Variants in GLB1 observed in about 807,000 individuals in gnomAD.
The protein encoded by GLB1 is galactosidase beta 1.
A neutral mutation model predicts 74.0 loss-of-function variants in GLB1; 56 were observed. The observed-to-expected ratio is 0.76, with a 90% CI of 0.61 to 0.94. The LOEUF is 0.94. Ranked by LOEUF, GLB1 falls within the 40% of genes least tolerant of loss-of-function variation. The pLI is 0.00. For synonymous variants in GLB1, 323 were observed against 323.6 expected, an observed-to-expected ratio of 1.00 and a Z score of 0.02; for missense variants, 787 against 845.5, an observed-to-expected ratio of 0.93 and a Z score of 0.86.
intron 10 of GLB1, chr3:33,034,776 C>T: frequency 1.6e-6 from 1 of 644,414 alleles, no homozygotes; most frequent in Non-Finnish European, 3.0e-6. Flanking sequence ...TCTGTGTCAG[C>T]TTCAGTCATA....
At chr3:33,034,380 G>A (rs563842640) in intron 10 of GLB1, 77 of 756,892 alleles carry the variant, frequency 1.0e-4, no homozygotes, top group East Asian at 9.8e-4. Context: ...CAGCTGTTCA[G>A]GCAGAAACCC....
intron 15 of GLB1, among the ~76,000 whole-genome samples, chr3:33,005,438 T>A (rs947324445): frequency 4.6e-5 from 7 of 152,228 alleles, no homozygotes; most frequent in African/African-American, 1.7e-4. Context: ...GGTTTACATA[T>A]CTCTTACAGA....
intron 9 of GLB1, among the ~76,000 whole-genome samples, chr3:33,047,264 G>T (rs1190587070): frequency 6.6e-6 from 1 of 152,228 alleles, no homozygotes; most frequent in Non-Finnish European, 1.5e-5. Flanking sequence ...ACTGTGCAAG[G>T]GGCGGGGTCT....
At chr3:33,043,790 T>G (rs1698614894) in intron 10 of GLB1, among the ~76,000 whole-genome samples, 1 of 121,426 alleles carries the variant, frequency 8.2e-6, no homozygotes, top group Non-Finnish European at 1.7e-5. Context: ...CTCAGAAAAA[T>G]ACCAAGCAAA....
intron 10 of GLB1, chr3:33,033,778 CAA>C (rs60962107): frequency 0.065 from 11,566 of 179,306 alleles, 1 homozygote; most frequent in South Asian, 0.12. Flanking sequence ...GAGACTGTCT[CAA>C]AAAAAAAAAA....
chr3:32,975,672 T>C, the GLB1 span, among the ~76,000 whole-genome samples: 1 of 152,278 alleles, frequency 6.6e-6, no homozygotes, highest in Non-Finnish European at 1.5e-5. Flanking sequence ...TCATTTAAAA[T>C]GAGTGTGCAC....
chr3:33,092,623 A>G (rs1700812443), intron 1 of GLB1: 10 of 1,361,610 alleles, frequency 7.3e-6, no homozygotes, highest in Non-Finnish European at 9.4e-6. Flanking sequence ...AAGTGCATCA[A>G]AAAAAGCAAC....
rs751382165 is a variant in GLB1, at chr3:32,997,285, C to T, written c.1794G>A (p.Gln598=). The T allele has an allele frequency of 6.2e-7, 1 of 1,614,150 alleles. No homozygotes were observed. Among genetic ancestry groups the T allele is most frequent in the Non-Finnish European group, 8.5e-7 (1 of 1,180,032 alleles). ...LGRYWPARGP[Q]LTLFVPQHIL... The stretch of plus-strand genomic sequence containing the variant: ...TGTGCTGGGGCACAAACAAGGTCAA[C>T]TGAGGGCCCCGGGCTGGCCAATAGC... Residue 598 remains glutamine (Q), a synonymous_variant, in exon 16 of 16, where the codon CAG becomes CAA. Transcript: ENST00000307363.
chr3:33,011,636 C>CT (rs1697032506), intron 15 of GLB1, among the ~76,000 whole-genome samples: 2 of 56,946 alleles, frequency 3.5e-5, no homozygotes, highest in Non-Finnish European at 6.9e-5. Flanking sequence ...CAGAGTCCAT[C>CT]TCAAAAAAAA....
At chr3:33,021,892 C>T (rs1466870050) in intron 11 of GLB1, among the ~76,000 whole-genome samples, 1 of 152,108 alleles carries the variant, frequency 6.6e-6, no homozygotes, top group Non-Finnish European at 1.5e-5. Flanking sequence ...TCAAACATAC[C>T]TATTCGGAAG....
the GLB1 span, among the ~76,000 whole-genome samples, chr3:32,982,112 G>C: frequency 6.6e-6 from 1 of 152,078 alleles, no homozygotes; most frequent in East Asian, 1.9e-4. Context: ...TTGGGAGTTT[G>C]AGACCAGCTT....
chr3:33,090,352 A>G, intron 1 of GLB1: 1 of 963,950 alleles, frequency 1.0e-6, no homozygotes, highest in Non-Finnish European at 1.2e-6. Context: ...AAGCTGGGAG[A>G]GAGGTACATG....
At chr3:33,014,416 C>T in intron 14 of GLB1, 106 bp from the exon 15 acceptor site, 4 of 1,524,836 alleles carry the variant, frequency 2.6e-6, no homozygotes, top group Non-Finnish European at 3.5e-6. Flanking sequence ...ATACAAAACA[C>T]CAACAGGAAA....
chr3:33,022,787 T>TGACCTCAGGTGATCCTCCC (rs1697553087), intron 11 of GLB1, among the ~76,000 whole-genome samples: 1 of 151,986 alleles, frequency 6.6e-6, no homozygotes, highest in African/African-American at 2.4e-5. Flanking sequence ...CTTGAACTCC[T>TGACCTCAGGTGATCCTCCC]GACCTCAGGT....
the GLB1 span, among the ~76,000 whole-genome samples, chr3:32,969,104 C>T: frequency 6.6e-6 from 1 of 152,136 alleles, no homozygotes; most frequent in Non-Finnish European, 1.5e-5. Context: ...CTTGGAGACC[C>T]GGACATTGAA....
At chr3:33,042,631 C>T (rs4298001) in intron 10 of GLB1, among the ~76,000 whole-genome samples, 141,792 of 152,176 alleles carry the variant, frequency 0.93, 66,896 homozygotes, top group East Asian at 1. Flanking sequence ...CCTCCCAAAG[C>T]GCTTGGATTA....
At chr3:33,029,272 C>T (rs1697907047) in intron 10 of GLB1, among the ~76,000 whole-genome samples, 1 of 152,138 alleles carries the variant, frequency 6.6e-6, no homozygotes, top group African/African-American at 2.4e-5. Context: ...AGAAATGTTG[C>T]TTCTCATACT....
At chr3:33,049,609 G>A (rs185711034) in intron 9 of GLB1, among the ~76,000 whole-genome samples, 6 of 152,184 alleles carry the variant, frequency 3.9e-5, no homozygotes, top group Admixed American at 3.9e-4. Context: ...GTAGAGACAA[G>A]GTTTCACCAT....
At chr3:32,974,758 G>A in the GLB1 span, among the ~76,000 whole-genome samples, 3 of 152,166 alleles carry the variant, frequency 2.0e-5, no homozygotes, top group Non-Finnish European at 4.4e-5. Context: ...AAGTCAGTCA[G>A]GAAGGAGGAG....
Sources: allele counts gnomAD v4.1 joint callset (sites outside exome capture counted in the v4.1 genomes callset), GRCh38; gene constraint gnomAD v4.1.1; transcripts MANE v1.5; gene names NCBI Gene and HGNC (gene_info 2026-07-23, HGNC 2026-07-21).